ME1: variants seen among roughly 807,000 people sequenced by gnomAD.
ME1 encodes malic enzyme 1.
ME1 carries 74 observed loss-of-function variants against 66.4 expected under a neutral mutation model. The observed-to-expected ratio is 1.11, with a 90% confidence interval of 0.92 to 1.35. The LOEUF (loss-of-function observed/expected upper bound fraction) is 1.35. Among genes scored for constraint, ME1 ranks in the 40% most tolerant of loss-of-function variants. ME1 has a pLI of 0.00. For missense variants in ME1, 750 were observed against 694.1 expected (o/e 1.08, Z -0.90); for synonymous variants, 251 against 235.6 (o/e 1.07, Z -0.60).
intron 3 of ME1, among the ~76,000 whole-genome samples, chr6:83,362,229 G>A (rs192205691): frequency 1.3e-4 from 20 of 152,346 alleles, no homozygotes; most frequent in Admixed American, 9.8e-4. Context: ...CTGTAGGTTT[G>A]GCTGGATGGT....
chr6:83,413,810 T>A (rs1490877920), intron 1 of ME1, among the ~76,000 whole-genome samples: 1 of 152,160 alleles, frequency 6.6e-6, no homozygotes, highest in Non-Finnish European at 1.5e-5. Flanking sequence ...ATAATATAGA[T>A]AACAATTTCT....
intron 6 of ME1, among the ~76,000 whole-genome samples, chr6:83,281,800 T>C (rs1486214306): frequency 1.2e-5 from 1 of 81,624 alleles, no homozygotes; most frequent in Non-Finnish European, 2.2e-5. Context: ...ACTGAGACTC[T>C]GTCTCCAAAA....
chr6:83,298,242 A>G (rs531297836), intron 6 of ME1, among the ~76,000 whole-genome samples: 4 of 152,102 alleles, frequency 2.6e-5, no homozygotes, highest in Non-Finnish European at 5.9e-5. Context: ...TTGACTTTTT[A>G]ATAATCACCA....
chr6:83,400,296 G>A (rs1003745979), intron 2 of ME1, among the ~76,000 whole-genome samples: 1 of 152,066 alleles, frequency 6.6e-6, no homozygotes, highest in Non-Finnish European at 1.5e-5. Flanking sequence ...TGTGAGATTT[G>A]GTTGGCACTT....
At position 83,292,285 on chromosome 6, in the gene ME1, C is replaced by T. The variant is rs370382700; in HGVS notation, c.704+23025G>A. Among the ~76,000 whole-genome samples the T allele has an allele frequency of 3.3e-5, 5 of 152,110 alleles. No individual in the cohort carries two copies. In the East Asian group the frequency reaches 5.8e-4, roughly 18 times the overall value. ...CTACCTTTGGTCATTGATGTTGGGA[C>T]CTACGAATAGGGTTTTGGTGTGGAT... On this transcript the variant is annotated intron_variant, in intron 6 of 13. Transcript: ENST00000369705.
At chr6:83,356,619 G>C (rs536195805) in intron 3 of ME1, among the ~76,000 whole-genome samples, 14 of 152,184 alleles carry the variant, frequency 9.2e-5, no homozygotes, top group African/African-American at 3.4e-4. Flanking sequence ...GATCTAACAG[G>C]TAAGACAACC....
chr6:83,265,853 A>G (rs567068949), intron 6 of ME1, among the ~76,000 whole-genome samples: 4 of 152,194 alleles, frequency 2.6e-5, no homozygotes, highest in Non-Finnish European at 5.9e-5. Context: ...TGATAGTTAT[A>G]TCTTGCAGGT....
Position 83,430,951 on chromosome 6 carries a change from C to T in ME1, c.4G>A (p.Glu2Lys), listed in dbSNP as rs188026958. Residue 2 changes from glutamate (E) to lysine (K), a missense_variant, in exon 1 of 14, where the codon GAG (glutamate) becomes AAG (lysine). By Grantham distance (56) the Glu-to-Lys change is moderately conservative. Coordinates refer to ENST00000369705, the MANE Select transcript of ME1 (RefSeq NM_002395.6). ...TGGCGGCGACGGGGGGCTTCGGGCT[C>T]CATGGCTGGCGCCGGGTTCGGCGGC... M[E>K]PEAPRRRHTH... 1 of 1,568,482 alleles carries T rather than the reference C, an allele frequency of 6.4e-7. No homozygotes were observed. The highest frequency in any genetic ancestry group is 2.5e-5 in the East Asian group (1 of 40,678).
At chr6:83,283,061 T>C (rs2128533423) in intron 6 of ME1, among the ~76,000 whole-genome samples, 1 of 150,040 alleles carries the variant, frequency 6.7e-6, no homozygotes, top group East Asian at 2.0e-4. Flanking sequence ...ACCCCGTCTC[T>C]ACTAAAAATA....
intron 1 of ME1, among the ~76,000 whole-genome samples, chr6:83,416,099 A>G (rs1035646740): frequency 1.3e-5 from 2 of 152,188 alleles, no homozygotes; most frequent in Admixed American, 1.3e-4. Context: ...GCAAATATTT[A>G]AGGTGTTAAG....
chr6:83,392,480 C>T, intron 3 of ME1: 1 of 520,058 alleles, frequency 1.9e-6, no homozygotes, highest in Non-Finnish European at 3.8e-6. Context: ...ACCAGGGCTG[C>T]TTTAAACTCT....
chr6:83,292,576 G>A, intron 6 of ME1, among the ~76,000 whole-genome samples: 1 of 152,216 alleles, frequency 6.6e-6, no homozygotes, highest in Non-Finnish European at 1.5e-5. Flanking sequence ...CTACACAGGG[G>A]TCAGGGACCC....
chr6:83,387,261 T>C (rs1376415272), intron 3 of ME1, among the ~76,000 whole-genome samples: 4 of 152,132 alleles, frequency 2.6e-5, no homozygotes, highest in Admixed American at 2.0e-4. Flanking sequence ...AAGAACAATA[T>C]GAAAGTTTCA....
intron 1 of ME1, among the ~76,000 whole-genome samples, chr6:83,419,131 G>GAA (rs10660581): frequency 1.6e-5 from 1 of 62,224 alleles, no homozygotes; most frequent in African/African-American, 8.1e-5. Flanking sequence ...ATTATCCTAA[G>GAA]TATGGGAAGC....
intron 3 of ME1, among the ~76,000 whole-genome samples, chr6:83,376,360 T>C (rs759162586): frequency 7.2e-5 from 11 of 152,014 alleles, no homozygotes; most frequent in Non-Finnish European, 1.5e-4. Context: ...CTAGGTGTGG[T>C]GGCGCATGCC....
At chr6:83,262,013 C>CA (rs374491049) in intron 6 of ME1, among the ~76,000 whole-genome samples, 30,397 of 76,616 alleles carry the variant, frequency 0.4, 4,260 homozygotes, top group Middle Eastern at 0.49. Flanking sequence ...GAATCCATCT[C>CA]AAAAAAAAAA....
chr6:83,299,892 A>T (rs1481143650), intron 6 of ME1, among the ~76,000 whole-genome samples: 2 of 152,070 alleles, frequency 1.3e-5, no homozygotes, highest in African/African-American at 2.4e-5. Context: ...TGTTTATGTG[A>T]TGGATTTCAT....
chr6:83,312,147 C>G (rs1451277722), intron 6 of ME1, among the ~76,000 whole-genome samples: 2 of 152,126 alleles, frequency 1.3e-5, no homozygotes, highest in African/African-American at 4.8e-5. Flanking sequence ...GAACTACAGC[C>G]CTTTACCCAA....
At chr6:83,282,679 A>G (rs1205404155) in intron 6 of ME1, among the ~76,000 whole-genome samples, 2 of 152,238 alleles carry the variant, frequency 1.3e-5, no homozygotes, top group Admixed American at 6.5e-5. Context: ...AGTTAGTTCA[A>G]TCATTGTGGA....
Sources: gnomAD v4.1 joint callset for allele counts (sites outside exome capture counted in the v4.1 genomes callset) on GRCh38, gnomAD v4.1.1 for gene constraint, MANE v1.5 for transcripts, NCBI Gene and HGNC (gene_info 2026-07-23, HGNC 2026-07-21) for gene names.